CCDC149: variants seen among roughly 807,000 people sequenced by gnomAD.
CCDC149 encodes the protein coiled-coil domain-containing protein 149.
A neutral mutation model predicts 59.9 loss-of-function variants in CCDC149; 45 were observed. The ratio of observed to expected loss-of-function variants is 0.75; its 90% CI spans 0.59 to 0.96. The LOEUF (loss-of-function observed/expected upper bound fraction) is 0.96. CCDC149 is among the 40% of genes least tolerant of loss of function. The pLI is 0.00. For missense variants in CCDC149, 584 were observed against 664.7 expected, an observed-to-expected ratio of 0.88 and a Z score of 1.33; for synonymous variants, 245 against 260.6, an observed-to-expected ratio of 0.94 and a Z score of 0.58.
intron 1 of CCDC149, among the ~76,000 whole-genome samples, chr4:24,936,823 C>T (rs562729434): frequency 6.3e-4 from 96 of 152,268 alleles, no homozygotes; most frequent in African/African-American, 2.0e-3. Context: ...CCCAGAGCTG[C>T]ATGGGAATCG....
intron 2 of CCDC149, among the ~76,000 whole-genome samples, chr4:24,875,941 GT>G (rs910723284): frequency 1.5e-4 from 23 of 152,186 alleles, no homozygotes; most frequent in African/African-American, 4.8e-4. Context: ...GTCCAAACAT[GT>G]TAAATAGAAA....
chr4:24,898,436 CG>C (rs1326997628), intron 1 of CCDC149, among the ~76,000 whole-genome samples: 1 of 152,086 alleles, frequency 6.6e-6, no homozygotes, highest in Non-Finnish European at 1.5e-5. Flanking sequence ...GGAAGCTGGC[CG>C]GGACATTGGG....
chr4:24,962,632 GAC>G, intron 1 of CCDC149, among the ~76,000 whole-genome samples: 1 of 151,642 alleles, frequency 6.6e-6, no homozygotes, highest in East Asian at 1.9e-4. Context: ...CTATCACAAG[GAC>G]AAAAAACCAA....
Position 24,837,082 on chromosome 4 carries a change from G to C in CCDC149, c.662+146C>G, listed in dbSNP as rs1716588026. The C allele has an allele frequency of 1.4e-6, 1 of 719,604 alleles. No individual in the cohort carries two copies. The highest frequency in any genetic ancestry group is 2.3e-6 in the Non-Finnish European group (1 of 441,440). 44.6% of individuals were successfully genotyped at this position (719,604 alleles called of 1,614,324 possible). On this transcript the variant is annotated intron_variant, in intron 6 of 12. Coordinates refer to ENST00000635206, the MANE Select transcript of CCDC149 (RefSeq NM_001330643.2). The surrounding 1 kb of genome is among the most constrained non-coding windows in gnomAD (Gnocchi z 4.3). ...ACTTTTGCAACTAATACATGGCATTGATGTCATCATTTCGGGGGAGTGAGT... is the reference window on the plus strand; with the variant it reads ...ACTTTTGCAACTAATACATGGCATTCATGTCATCATTTCGGGGGAGTGAGT...
intron 12 of CCDC149, among the ~76,000 whole-genome samples, chr4:24,812,724 G>A (rs1714704750): frequency 6.6e-6 from 1 of 152,172 alleles, no homozygotes. Context: ...ACATGGCTGG[G>A]GAGGCCTCAC....
At chr4:24,933,723 C>T (rs1190798990) in intron 1 of CCDC149, among the ~76,000 whole-genome samples, 1 of 152,042 alleles carries the variant, frequency 6.6e-6, no homozygotes, top group Non-Finnish European at 1.5e-5. Flanking sequence ...GAGATAATTG[C>T]TATGAAGAAA....
At chr4:24,937,580 G>T (rs1722820762) in intron 1 of CCDC149, among the ~76,000 whole-genome samples, 1 of 152,230 alleles carries the variant, frequency 6.6e-6, no homozygotes, top group Non-Finnish European at 1.5e-5. Context: ...GTGCCATGTG[G>T]TCACTCAGAG....
rs548070579 is a variant in CCDC149, at chr4:24,904,931, G to A, written c.63+7886C>T. Among the ~76,000 whole-genome samples, 278 of 152,034 alleles carry A rather than the reference G, an allele frequency of 1.8e-3. 1 individual carries two copies. Among genetic ancestry groups the A allele is most frequent in the Middle Eastern group, 3.4e-3 (1 of 294 alleles). ...TGTTTGTTTGTTTTGAGATGGAGTCGCACTCTGTCGCCCAGGCTGGAGTGC... is the reference window on the plus strand; with the variant it reads ...TGTTTGTTTGTTTTGAGATGGAGTCACACTCTGTCGCCCAGGCTGGAGTGC... On this transcript the variant is annotated intron_variant, in intron 1 of 12. Coordinates refer to ENST00000635206, the MANE Select transcript of CCDC149 (RefSeq NM_001330643.2).
chr4:24,953,101 C>T (rs536707005), intron 1 of CCDC149, among the ~76,000 whole-genome samples: 3 of 152,254 alleles, frequency 2.0e-5, no homozygotes, highest in Non-Finnish European at 2.9e-5. Context: ...TGCCCCCCTC[C>T]AATTGTTGCC....
chr4:24,858,141 T>C (rs999614812), intron 3 of CCDC149, among the ~76,000 whole-genome samples: 1 of 152,148 alleles, frequency 6.6e-6, no homozygotes, highest in African/African-American at 2.4e-5. Flanking sequence ...ACTATAACAA[T>C]CCATCAAGCT....
At chr4:24,953,376 C>G (rs574715298) in intron 1 of CCDC149, among the ~76,000 whole-genome samples, 4 of 152,276 alleles carry the variant, frequency 2.6e-5, no homozygotes, top group Non-Finnish European at 5.9e-5. Flanking sequence ...AAGGGCTCCC[C>G]CTGCTTCATT....
chr4:24,859,027 T>TATAATAC, intron 3 of CCDC149, among the ~76,000 whole-genome samples: 1 of 152,238 alleles, frequency 6.6e-6, no homozygotes, highest in Non-Finnish European at 1.5e-5. Context: ...TGACATGTTT[T>TATAATAC]TTAAACTTAT....
intron 1 of CCDC149, among the ~76,000 whole-genome samples, chr4:24,958,322 T>C (rs575439035): frequency 6.6e-6 from 1 of 152,334 alleles, no homozygotes; most frequent in African/African-American, 2.4e-5. Context: ...ATCAGGATTG[T>C]TTCTTCTAGA....
chr4:24,849,429 G>T (rs910218524), intron 4 of CCDC149, among the ~76,000 whole-genome samples: 1 of 152,088 alleles, frequency 6.6e-6, no homozygotes, highest in Non-Finnish European at 1.5e-5. Context: ...TGTTAGTTTG[G>T]GAGCCTAAGA....
At chr4:24,959,688 A>C (rs1032740710) in intron 1 of CCDC149, among the ~76,000 whole-genome samples, 1 of 152,228 alleles carries the variant, frequency 6.6e-6, no homozygotes, top group Non-Finnish European at 1.5e-5. Flanking sequence ...TTATGGACAG[A>C]GGACTAAAGA....
In CCDC149 at chr4:24,808,503, A is replaced by G; in HGVS notation, c.1509T>C (p.Pro503=). 6.6e-7 allele frequency: 1 copy of G among 1,521,512 alleles called. No homozygotes were observed. Among genetic ancestry groups the G allele is most frequent in the Non-Finnish European group, 8.8e-7 (1 of 1,134,366 alleles). 94.3% of individuals were successfully genotyped at this position (1,521,512 alleles called of 1,614,324 possible). A position where few individuals can be genotyped will look rare whatever the true frequency, so the allele number is the denominator to read the frequency against. Residue 503 remains proline, a synonymous_variant, in exon 13 of 13, where the codon CCT becomes CCC. Transcript: ENST00000635206. Reference sequence around the variant, plus strand: ...CCTCGAAGGAGTCCAGGTGAGATTTAGGGAGCTCCCCCTGGATGGCCAGGC... The same window carrying G: ...CCTCGAAGGAGTCCAGGTGAGATTTGGGGAGCTCCCCCTGGATGGCCAGGC...
chr4:24,897,867 A>G (rs1286870148), intron 1 of CCDC149, among the ~76,000 whole-genome samples: 1 of 152,232 alleles, frequency 6.6e-6, no homozygotes, highest in African/African-American at 2.4e-5. Context: ...AGCAGCCTGC[A>G]TGCATGCTGC....
At chr4:24,835,567 G>A (rs1716462758) in intron 7 of CCDC149, among the ~76,000 whole-genome samples, 1 of 152,174 alleles carries the variant, frequency 6.6e-6, no homozygotes, top group South Asian at 2.1e-4. Context: ...TTGGCACATA[G>A]AACTGAATAA....
intron 1 of CCDC149, among the ~76,000 whole-genome samples, chr4:24,904,330 C>A (rs1293319384): frequency 1.3e-5 from 2 of 152,198 alleles, no homozygotes; most frequent in African/African-American, 2.4e-5. Flanking sequence ...TTACCCTATA[C>A]CATGTACCCT....
Sources: allele counts gnomAD v4.1 joint callset (sites outside exome capture counted in the v4.1 genomes callset), GRCh38; gene constraint gnomAD v4.1.1; non-coding constraint Gnocchi (gnomAD v3.1); transcripts MANE v1.5; gene names NCBI Gene and HGNC (gene_info 2026-07-23, HGNC 2026-07-21).